Variants in FLRT1 observed in about 807,000 individuals in gnomAD.
FLRT1 encodes fibronectin leucine rich transmembrane protein 1.
In FLRT1, 14 loss-of-function variants were observed where a neutral mutation model predicts 30.9. That is an observed-to-expected ratio of 0.45 (90% CI 0.30 to 0.71). FLRT1 has a LOEUF of 0.71. Ranked by LOEUF, FLRT1 falls within the 30% of genes least tolerant of loss-of-function variation. The pLI, the probability that FLRT1 is intolerant of heterozygous loss-of-function variation, is 0.08. For synonymous variants in FLRT1, 368 were observed against 430.4 expected, an observed-to-expected ratio of 0.85 and a Z score of 1.80; for missense variants, 737 against 949.2, an observed-to-expected ratio of 0.78 and a Z score of 2.94.
At position 64,036,756 on chromosome 11, in the gene FLRT1, T is replaced by C. The variant is rs1943388315; in HGVS notation, c.-1038+597T>C. Among the ~76,000 whole-genome samples the C allele has an allele frequency of 6.6e-6, 1 of 152,074 alleles. No individual in the cohort carries two copies. Among genetic ancestry groups the C allele is most frequent in the Non-Finnish European group, 1.5e-5 (1 of 67,986 alleles). ...CTGAGCCGGGCGGGGGCTGGGGCCGTACACCTGGCGGCTGGAACGGTGAGA... is the reference window on the plus strand; with the variant it reads ...CTGAGCCGGGCGGGGGCTGGGGCCGCACACCTGGCGGCTGGAACGGTGAGA... On this transcript the variant is annotated intron_variant, in intron 1 of 2. Coordinates refer to ENST00000682287, the MANE Select transcript of FLRT1 (RefSeq NM_013280.5). This position sits in a 1 kb window ranked among gnomAD's most constrained non-coding sequence, Gnocchi z 5.6.
Position 64,096,562 on chromosome 11 carries a change from C to T in FLRT1, c.-1037-6632C>T, listed in dbSNP as rs1465124358. Among the ~76,000 whole-genome samples the T allele has an allele frequency of 1.3e-5, 2 of 152,122 alleles. No individual in the cohort carries two copies. Among genetic ancestry groups the T allele is most frequent in the East Asian group, 3.9e-4 (2 of 5,190 alleles). On this transcript the variant is annotated intron_variant, in intron 1 of 2. Coordinates refer to ENST00000682287, the MANE Select transcript of FLRT1 (RefSeq NM_013280.5). The surrounding 1 kb of genome is among the most constrained non-coding windows in gnomAD (Gnocchi z 4.6). Reference sequence around the variant, plus strand: ...CACCGAGTAGCTGGGATTACAGGCGCCTGCCATCACGCCCAGCTAATTTTT... The same window carrying T: ...CACCGAGTAGCTGGGATTACAGGCGTCTGCCATCACGCCCAGCTAATTTTT...
intron 1 of FLRT1, among the ~76,000 whole-genome samples, chr11:64,048,866 G>T (rs1943636443): frequency 6.6e-6 from 1 of 152,198 alleles, no homozygotes; most frequent in South Asian, 2.1e-4. Context: ...ATCCCATGGT[G>T]CAAACCCAAA....
intron 2 of FLRT1, among the ~76,000 whole-genome samples, chr11:64,105,728 T>G (rs956977985): frequency 6.6e-6 from 1 of 152,158 alleles, no homozygotes; most frequent in Non-Finnish European, 1.5e-5. Flanking sequence ...GTTGAGACAC[T>G]GTTCCCCAGC....
intron 1 of FLRT1, among the ~76,000 whole-genome samples, chr11:64,048,550 G>A (rs549192037): frequency 2.0e-5 from 3 of 152,198 alleles, no homozygotes; most frequent in Non-Finnish European, 4.4e-5. Flanking sequence ...TTGGAGAGGT[G>A]CAGAAGTCAA....
Position 64,099,193 on chromosome 11 carries a change from T to A in FLRT1, c.-1037-4001T>A, listed in dbSNP as rs550774214. On this transcript the variant is annotated intron_variant, in intron 1 of 2. Transcript: ENST00000682287. ...AGTACCCCAGAACCACAGCACAGCG[T>A]CATCTTCTCCAAGAAGCCTCCATGA... Among the ~76,000 whole-genome samples the A allele has an allele frequency of 2.0e-5, 3 of 152,338 alleles. No homozygotes were observed. The South Asian group carries it at 6.2e-4, about 32-fold the overall frequency.
At chr11:64,072,028 A>G (rs887647722) in intron 1 of FLRT1, among the ~76,000 whole-genome samples, 5 of 152,202 alleles carry the variant, frequency 3.3e-5, no homozygotes, top group African/African-American at 1.2e-4. Flanking sequence ...CAAACGCACT[A>G]TTGACCGCCG....
chr11:64,055,118 T>C (rs1404575878), intron 1 of FLRT1, among the ~76,000 whole-genome samples: 1 of 152,128 alleles, frequency 6.6e-6, no homozygotes, highest in East Asian at 1.9e-4. Context: ...AACCTGTGTG[T>C]CCTGAGAGCA....
In FLRT1 at chr11:64,116,446, G is replaced by A; in HGVS notation, c.179G>A (p.Cys60Tyr). The change falls in exon 3 of 3, where the codon TGC (cysteine) becomes TAC (tyrosine). Residue 60 changes from cysteine (C) to tyrosine (Y), a missense_variant. Transcript: ENST00000682287. The part of the protein sequence containing the change: ...DSTTCPSVCR[C>Y]DNGFIYCNDR... ...ACCACCTGCCCCTCGGTGTGCCGCT[G>A]CGACAACGGCTTCATCTACTGCAAC... The A allele has an allele frequency of 6.2e-7, 1 of 1,614,036 alleles. No individual in the cohort carries two copies. The highest frequency in any genetic ancestry group is 8.5e-7 in the Non-Finnish European group (1 of 1,180,034).
chr11:64,114,256 G>GATTGA (rs1944926050), intron 2 of FLRT1, among the ~76,000 whole-genome samples: 5 of 137,906 alleles, frequency 3.6e-5, no homozygotes, highest in Admixed American at 3.6e-4. Context: ...GGATGGTTAG[G>GATTGA]TGGATGGATG....
At chr11:64,097,045 G>A (rs1590903257) in intron 1 of FLRT1, among the ~76,000 whole-genome samples, 1 of 152,398 alleles carries the variant, frequency 6.6e-6, no homozygotes, top group South Asian at 2.1e-4. Flanking sequence ...CTCTTCAGGC[G>A]CCTGCCTGCT....
At chr11:64,101,533 C>G (rs1293891144) in intron 1 of FLRT1, among the ~76,000 whole-genome samples, 1 of 152,224 alleles carries the variant, frequency 6.6e-6, no homozygotes, top group Admixed American at 6.5e-5. Context: ...GCCCCTGCCC[C>G]ACCCCCATCG....
intron 1 of FLRT1, among the ~76,000 whole-genome samples, chr11:64,102,388 G>A (rs1164279342): frequency 7.2e-5 from 11 of 152,136 alleles, no homozygotes; most frequent in African/African-American, 2.4e-4. Context: ...AAGTGGGGTG[G>A]GCACCAGACA....
chr11:64,060,146 G>C (rs1305136027), intron 1 of FLRT1, among the ~76,000 whole-genome samples: 1 of 152,274 alleles, frequency 6.6e-6, no homozygotes, highest in Non-Finnish European at 1.5e-5. Flanking sequence ...GTTCTGTCAA[G>C]TGAATGAATA....
At chr11:64,054,666 C>T (rs1943751153) in intron 1 of FLRT1, among the ~76,000 whole-genome samples, 2 of 151,898 alleles carry the variant, frequency 1.3e-5, no homozygotes, top group African/African-American at 4.8e-5. Context: ...AGAGAGACAA[C>T]CTCACCTCCT....
intron 1 of FLRT1, among the ~76,000 whole-genome samples, chr11:64,051,925 G>T (rs551500413): frequency 6.6e-6 from 1 of 151,810 alleles, no homozygotes; most frequent in Non-Finnish European, 1.5e-5. Context: ...GTAGAGACTG[G>T]ATACTCCAAG....
At chr11:64,084,507 G>A (rs191530923) in intron 1 of FLRT1, among the ~76,000 whole-genome samples, 26 of 152,334 alleles carry the variant, frequency 1.7e-4, no homozygotes, top group Middle Eastern at 3.4e-3. Context: ...TTGGGGTCAC[G>A]GGGCCTGGGC....
At chr11:64,062,127 C>T (rs770310679) in intron 1 of FLRT1, among the ~76,000 whole-genome samples, 13 of 152,038 alleles carry the variant, frequency 8.6e-5, no homozygotes, top group Non-Finnish European at 1.5e-4. Flanking sequence ...CCCTCTCCTC[C>T]GCAAGGCCTT....
Position 64,117,029 on chromosome 11 carries a change from G to A in FLRT1, c.762G>A (p.Ser254=), listed in dbSNP as rs146150625. Residue 254 remains serine, a synonymous_variant, in exon 3 of 3, where the codon TCG becomes TCA. Transcript: ENST00000682287. The part of the protein sequence containing the change: ...FSRLQNLTEL[S]LVRNSLAAPP... ...GCCTACAGAACCTCACAGAGCTCTC[G>A]CTGGTGCGCAATTCGCTGGCCGCGC... The A allele has an allele frequency of 7.4e-5, 119 of 1,610,978 alleles. No homozygotes were observed. The highest frequency in any genetic ancestry group is 9.8e-5 in the Non-Finnish European group (116 of 1,179,066).
chr11:64,069,911 C>T (rs766015607), intron 1 of FLRT1, among the ~76,000 whole-genome samples: 10 of 152,278 alleles, frequency 6.6e-5, no homozygotes, highest in East Asian at 1.9e-4. Context: ...CAGACCTCAA[C>T]TGAGAAGGCA....
Sources: allele counts gnomAD v4.1 joint callset (sites outside exome capture counted in the v4.1 genomes callset), GRCh38; gene constraint gnomAD v4.1.1; non-coding constraint Gnocchi (gnomAD v3.1); transcripts MANE v1.5; gene names NCBI Gene and HGNC (gene_info 2026-07-23, HGNC 2026-07-21).